Variants in SLMAP observed in about 807,000 individuals in gnomAD.
SLMAP encodes sarcolemma associated protein.
A neutral mutation model predicts 128.8 loss-of-function variants in SLMAP; 44 were observed. That is an observed-to-expected ratio of 0.34 (90% confidence interval 0.27 to 0.44). SLMAP has a LOEUF of 0.44. Ranked by LOEUF, SLMAP falls within the 20% of genes least tolerant of loss-of-function variation. SLMAP has a pLI of 1.00. For missense variants in SLMAP, 787 were observed against 985.3 expected (o/e 0.80, Z 2.69); for synonymous variants, 327 against 348.8 (o/e 0.94, Z 0.70).
intron 14 of SLMAP, among the ~76,000 whole-genome samples, chr3:57,876,881 A>G (rs950081902): frequency 1.3e-4 from 20 of 152,126 alleles, no homozygotes; most frequent in African/African-American, 4.6e-4. Context: ...TTCTTTTGCT[A>G]CTGTCTGTTC....
chr3:57,827,642 C>T (rs1474187178), intron 2 of SLMAP, among the ~76,000 whole-genome samples: 15 of 152,216 alleles, frequency 9.9e-5, no homozygotes, highest in Admixed American at 9.8e-4. Context: ...GCTCCTTACT[C>T]ACCTGCTCAA....
intron 2 of SLMAP, among the ~76,000 whole-genome samples, chr3:57,811,885 G>A (rs868157290): frequency 2.6e-5 from 4 of 152,126 alleles, no homozygotes; most frequent in Admixed American, 6.5e-5. Context: ...TTGGACAAAT[G>A]TCTATTCCAA....
chr3:57,831,907 T>TAA (rs1453500189), intron 3 of SLMAP, among the ~76,000 whole-genome samples: 1 of 152,238 alleles, frequency 6.6e-6, no homozygotes, highest in African/African-American at 2.4e-5. Context: ...AGGGTCTTAC[T>TAA]GTCTTCCTGT....
chr3:57,908,970 A>G (rs2096629545), intron 18 of SLMAP, 106 bp from the exon 19 acceptor site: 5 of 769,878 alleles, frequency 6.5e-6, no homozygotes, highest in South Asian at 5.3e-5. Context: ...TGTTTCTTTC[A>G]ATAATCTTTT....
At chr3:57,915,165 G>T (rs2096784871) in intron 21 of SLMAP, among the ~76,000 whole-genome samples, 1 of 152,142 alleles carries the variant, frequency 6.6e-6, no homozygotes, top group Non-Finnish European at 1.5e-5. Flanking sequence ...ACTGCCCTCG[G>T]CCGAAAGTAT....
intron 15 of SLMAP, among the ~76,000 whole-genome samples, chr3:57,893,245 A>G (rs192883266): frequency 1.3e-5 from 2 of 152,260 alleles, no homozygotes; most frequent in Admixed American, 1.3e-4. Flanking sequence ...CCTGGGCAAC[A>G]TAGGGAGACC....
At chr3:57,893,030 T>C (rs545677173) in intron 15 of SLMAP, among the ~76,000 whole-genome samples, 2 of 151,658 alleles carry the variant, frequency 1.3e-5, no homozygotes, top group South Asian at 4.2e-4. Context: ...AGATGGAGTT[T>C]CACTGTGTTA....
chr3:57,787,630 G>A (rs2084515943), intron 2 of SLMAP, among the ~76,000 whole-genome samples: 1 of 152,150 alleles, frequency 6.6e-6, no homozygotes, highest in Admixed American at 6.5e-5. Flanking sequence ...CATGCGCCAC[G>A]ATACCCAGCT....
intron 2 of SLMAP, among the ~76,000 whole-genome samples, chr3:57,777,872 T>C (rs2082238481): frequency 6.6e-6 from 1 of 152,252 alleles, no homozygotes; most frequent in Non-Finnish European, 1.5e-5. Context: ...GTGTGAGTGA[T>C]ACCGTAGAGC....
At position 57,927,442 on chromosome 3, in the gene SLMAP, C is replaced by A; in HGVS notation, c.*153C>A. 3 of 1,089,224 alleles carry A rather than the reference C, an allele frequency of 2.8e-6. No individual in the cohort carries two copies. The highest frequency in any genetic ancestry group is 4.0e-6 in the Non-Finnish European group (3 of 740,774). The allele number at this position is 1,089,224 out of a possible 1,614,324, so 67.5% of individuals were successfully genotyped here. ...TCCCTCTAGAAGCTGGCATCACACT[C>A]ATGCTGGGGACAAACAGAACCATTT... On this transcript the variant is annotated 3_prime_UTR_variant, in exon 25 of 25. Transcript: ENST00000671191.
chr3:57,758,136 G>T (rs533677528), intron 2 of SLMAP, among the ~76,000 whole-genome samples: 1 of 152,310 alleles, frequency 6.6e-6, no homozygotes, highest in South Asian at 2.1e-4. Context: ...GAAACTTGGC[G>T]TCTTGCTTTT....
chr3:57,809,996 C>A (rs951022519), intron 2 of SLMAP, among the ~76,000 whole-genome samples: 4 of 152,160 alleles, frequency 2.6e-5, no homozygotes, highest in Non-Finnish European at 5.9e-5. Flanking sequence ...TGCCATACTG[C>A]AGATAAAGAG....
At position 57,757,459 on chromosome 3, in the gene SLMAP, G is replaced by A; in HGVS notation, c.-193G>A. The A allele has an allele frequency of 1.6e-6, 1 of 609,002 alleles. No individual in the cohort carries two copies. Among genetic ancestry groups the A allele is most frequent in the Non-Finnish European group, 2.9e-6 (1 of 343,734 alleles). 37.7% of individuals were successfully genotyped at this position (609,002 alleles called of 1,614,324 possible). A position where few individuals can be genotyped will look rare whatever the true frequency, so the allele number is the denominator to read the frequency against. ...GGCGTTGCAGCGTTTTAAAGGAGGT[G>A]ATGGGGCTTGCGCTGGCTTGTCTTC... On this transcript the variant is annotated 5_prime_UTR_variant, in exon 2 of 25. Transcript: ENST00000671191.
chr3:57,846,528 A>G (rs1398017277), intron 4 of SLMAP, among the ~76,000 whole-genome samples: 1 of 151,742 alleles, frequency 6.6e-6, no homozygotes, highest in Non-Finnish European at 1.5e-5. Context: ...AACATAATTT[A>G]CATATTTCAA....
At position 57,864,611 on chromosome 3, in the gene SLMAP, C is replaced by T; in HGVS notation, c.1030C>T (p.His344Tyr). 1.3e-6 allele frequency: 2 copies of T among 1,596,402 alleles called. No individual in the cohort carries two copies. Among genetic ancestry groups the T allele is most frequent in the South Asian group, 2.3e-5 (2 of 86,048 alleles). Residue 344 changes from histidine (H) to tyrosine (Y), a missense_variant, in exon 11 of 25, where the codon CAT becomes TAT. Transcript: ENST00000671191. ...ACAGGCTGAGAAAAAAGAATTACAA[C>T]ATAAAATAGATGAAATGGAAGAAAA... Reference protein sequence around the residue: ...KGQAEKKELQHKIDEMEEKEQ... With the variant: ...KGQAEKKELQYKIDEMEEKEQ...
intron 19 of SLMAP, among the ~76,000 whole-genome samples, 165 bp downstream of exon 19, chr3:57,909,315 A>G (rs1313051444): frequency 1.3e-5 from 2 of 151,998 alleles, no homozygotes; most frequent in Non-Finnish European, 2.9e-5. Context: ...CAGTGTGGCC[A>G]ACATGGTGAA....
At chr3:57,906,300 CTTTT>C (rs112949836) in intron 17 of SLMAP, among the ~76,000 whole-genome samples, 10 of 71,264 alleles carry the variant, frequency 1.4e-4, no homozygotes, top group Admixed American at 1.3e-3. Context: ...AAATTTTTTT[CTTTT>C]TTTTTCTTTT....
At chr3:57,824,588 G>A (rs2092780295) in intron 2 of SLMAP, among the ~76,000 whole-genome samples, 5 of 152,096 alleles carry the variant, frequency 3.3e-5, no homozygotes, top group Admixed American at 2.6e-4. Context: ...TGGACTCTAG[G>A]TTCTATTCCA....
intron 17 of SLMAP, among the ~76,000 whole-genome samples, chr3:57,903,015 A>T (rs1393502430): frequency 6.6e-6 from 1 of 152,236 alleles, no homozygotes; most frequent in Non-Finnish European, 1.5e-5. Context: ...CCTGAGAGAT[A>T]CAGAGATAAG....
Sources: allele counts gnomAD v4.1 joint callset (sites outside exome capture counted in the v4.1 genomes callset), GRCh38; gene constraint gnomAD v4.1.1; transcripts MANE v1.5; gene names NCBI Gene and HGNC (gene_info 2026-07-23, HGNC 2026-07-21).